Variants in DMD observed in about 807,000 individuals in gnomAD.
DMD encodes mutant dystrophin.
In DMD, 63 loss-of-function variants were observed where a neutral mutation model predicts 330.1. The observed-to-expected ratio is 0.19, with a 90% confidence interval of 0.16 to 0.24. DMD has a LOEUF of 0.24. Among genes scored for constraint, DMD ranks in the 10% least tolerant of loss-of-function variants. The pLI, the probability that DMD is intolerant of heterozygous loss-of-function variation, is 1.00. For missense variants in DMD, 3,344 were observed against 2,684.1 expected, an observed-to-expected ratio of 1.25 and a Z score of -5.43; for synonymous variants, 1,223 against 959.8, an observed-to-expected ratio of 1.27 and a Z score of -5.07.
intron 2 of DMD, among the ~76,000 whole-genome samples, chrX:32,948,645 T>C (rs1195570412): frequency 8.9e-6 from 1 of 111,855 alleles, no homozygotes; most frequent in East Asian, 2.8e-4. Flanking sequence ...GTTTGCCAAT[T>C]CCATATGCCT....
intron 1 of DMD, among the ~76,000 whole-genome samples, chrX:33,251,682 T>C (rs987052819): frequency 7.1e-5 from 8 of 112,272 alleles, no homozygotes; most frequent in Non-Finnish European, 1.5e-4. Context: ...ATCTAGTTTT[T>C]TAATATAATG....
At position 31,951,137 on chromosome X, in the gene DMD, ATATG is replaced by A. The variant is rs1227639149; in HGVS notation, c.6614+17198_6614+17201del. Among the ~76,000 whole-genome samples, 225 of 77,853 alleles carry A rather than the reference ATATG, an allele frequency of 2.9e-3. 2 individuals are homozygous for A. Among genetic ancestry groups the A allele is most frequent in the African/African-American group, 7.0e-3 (122 of 17,439 alleles). 67.6% of individuals were successfully genotyped at this position (77,853 alleles called of 115,157 possible). A position where few individuals can be genotyped will look rare whatever the true frequency, so the allele number is the denominator to read the frequency against. On this transcript the variant is annotated intron_variant, in intron 45 of 78. Coordinates refer to ENST00000357033, the MANE Select transcript of DMD (RefSeq NM_004006.3). ...TATATATATACATATATATATATAT[ATATG>A]TGTATATATATATATATGTATATAT... is the stretch of plus-strand genomic sequence containing the variant.
At chrX:33,061,273 T>C (rs1460113618) in intron 1 of DMD, among the ~76,000 whole-genome samples, 2 of 112,614 alleles carry the variant, frequency 1.8e-5, no homozygotes, top group Non-Finnish European at 3.7e-5. Flanking sequence ...CAAAGATATA[T>C]ACACATTCAG....
intron 7 of DMD, among the ~76,000 whole-genome samples, chrX:32,758,056 A>G (rs555647812): frequency 5.3e-5 from 6 of 112,218 alleles, no homozygotes; most frequent in African/African-American, 1.9e-4. Flanking sequence ...GTTGAGGTAC[A>G]GTTACCTATT....
intron 2 of DMD, among the ~76,000 whole-genome samples, chrX:32,944,451 G>A (rs913552304): frequency 1.8e-5 from 2 of 111,405 alleles, no homozygotes; most frequent in Non-Finnish European, 3.8e-5. Flanking sequence ...ATTGTGTAAA[G>A]CAGGGTTTTG....
chrX:32,811,391 C>A (rs964155424), intron 6 of DMD, among the ~76,000 whole-genome samples: 2 of 110,970 alleles, frequency 1.8e-5, no homozygotes, highest in Admixed American at 9.7e-5. Context: ...CTCACATATA[C>A]TTATTTTCTT....
intron 52 of DMD, among the ~76,000 whole-genome samples, chrX:31,711,676 A>C (rs1288238389): frequency 9.0e-6 from 1 of 110,704 alleles, no homozygotes; most frequent in Non-Finnish European, 1.9e-5. Flanking sequence ...ACACGTAAAG[A>C]AAATACTCAT....
chrX:33,202,404 A>C (rs1432898912), intron 1 of DMD, among the ~76,000 whole-genome samples: 7 of 111,604 alleles, frequency 6.3e-5, no homozygotes, highest in African/African-American at 2.3e-4. Context: ...GTAAATTTAG[A>C]TGATTATGTT....
intron 7 of DMD, among the ~76,000 whole-genome samples, chrX:32,745,732 T>A (rs2148227323): frequency 8.9e-6 from 1 of 112,386 alleles, no homozygotes; most frequent in African/African-American, 3.2e-5. Flanking sequence ...GTAGTCATAA[T>A]TTCAAAACCC....
intron 7 of DMD, among the ~76,000 whole-genome samples, chrX:32,731,041 T>C (rs1011838008): frequency 1.6e-4 from 18 of 111,168 alleles, no homozygotes; most frequent in Non-Finnish European, 1.9e-5. Flanking sequence ...TGGGCGCAGC[T>C]CAGTGGGTGC....
Position 33,211,284 on chromosome X carries a change from C to G in DMD, c.29G>C (p.Cys10Ser), listed in dbSNP as rs794726909. 3 of 1,209,202 alleles carry G rather than the reference C, an allele frequency of 2.5e-6. No homozygotes were observed. The Middle Eastern group carries it at 6.9e-4, about 278-fold the overall frequency. The change falls in exon 1 of 79, where the codon TGT (cysteine) becomes TCT (serine). Residue 10 changes from cysteine to serine, a missense_variant and splice_region_variant. Coordinates refer to ENST00000357033, the MANE Select transcript of DMD (RefSeq NM_004006.3). MLWWEEVED[C>S]YEREDVQKKT... ...ATTTTTAGTTACTTTGTACTTACAA[C>G]AGTCCTCTACTTCTTCCCACCAAAG...
chrX:32,797,555 C>A (rs934104887), intron 7 of DMD, among the ~76,000 whole-genome samples: 1 of 112,153 alleles, frequency 8.9e-6, no homozygotes, highest in East Asian at 2.8e-4. Flanking sequence ...AACCTAATAT[C>A]TCATGTATTC....
intron 1 of DMD, among the ~76,000 whole-genome samples, chrX:33,325,709 C>T (rs1330956296): frequency 2.7e-5 from 3 of 112,293 alleles, no homozygotes; most frequent in Non-Finnish European, 5.6e-5. Flanking sequence ...CTTTTAATTT[C>T]AGGTATACTT....
At chrX:32,564,930 C>T (rs140323665) in intron 16 of DMD, among the ~76,000 whole-genome samples, 75 of 111,537 alleles carry the variant, frequency 6.7e-4, no homozygotes, top group African/African-American at 2.3e-3. Context: ...AAAGTTATTC[C>T]TTATAATGCC....
intron 53 of DMD, among the ~76,000 whole-genome samples, chrX:31,667,829 AT>A (rs1319152932): frequency 1.8e-5 from 2 of 111,608 alleles, no homozygotes; most frequent in East Asian, 5.6e-4. Context: ...AATTAAAAAA[AT>A]ATTTCCAGGA....
At chrX:31,191,301 A>G (rs1003772385) in intron 67 of DMD, among the ~76,000 whole-genome samples, 1 of 111,999 alleles carries the variant, frequency 8.9e-6, no homozygotes, top group African/African-American at 3.2e-5. Context: ...ATATCCATAA[A>G]TAGAATTCCT....
chrX:32,503,130 C>T (rs377006155), intron 18 of DMD, among the ~76,000 whole-genome samples: 132 of 112,056 alleles, frequency 1.2e-3, no homozygotes, highest in Admixed American at 2.1e-3. Context: ...GCCTGTAATC[C>T]GAGCTACTCA....
chrX:33,284,801 A>C (rs1198912398), intron 1 of DMD, among the ~76,000 whole-genome samples: 1 of 94,965 alleles, frequency 1.1e-5, no homozygotes, highest in African/African-American at 3.7e-5. Context: ...GTTCTCATTA[A>C]AGGTATTGAT....
intron 16 of DMD, among the ~76,000 whole-genome samples, chrX:32,551,640 C>T (rs1321312370): frequency 3.6e-5 from 4 of 111,295 alleles, no homozygotes; most frequent in Non-Finnish European, 7.6e-5. Context: ...CTAGCCAAAG[C>T]AATCAGGAAA....
Sources: gnomAD v4.1 joint callset for allele counts (sites outside exome capture counted in the v4.1 genomes callset) on GRCh38, gnomAD v4.1.1 for gene constraint, MANE v1.5 for transcripts, NCBI Gene and HGNC (gene_info 2026-07-23, HGNC 2026-07-21) for gene names.